CIMIP4: variants seen among roughly 807,000 people sequenced by gnomAD.
CIMIP4 encodes protein EAN57.
the CIMIP4 span, among the ~76,000 whole-genome samples, chr22:36,996,367 C>T: frequency 6.6e-6 from 1 of 151,444 alleles, no homozygotes; most frequent in Non-Finnish European, 1.5e-5. Context: ...ACAAAAATTG[C>T]ATTTGTGTAT....
the CIMIP4 span, chr22:37,002,284 C>T: frequency 1.4e-6 from 2 of 1,432,456 alleles, no homozygotes; most frequent in Non-Finnish European, 1.8e-6. Context: ...TCAGATGGGC[C>T]CTGGTGAAAG....
At chr22:37,001,826 T>C in the CIMIP4 span, 1 of 1,553,126 alleles carries the variant, frequency 6.4e-7, no homozygotes, top group Non-Finnish European at 8.7e-7. Flanking sequence ...TCCTGGCCCC[T>C]GCTATGACAC....
chr22:36,996,284 G>T, the CIMIP4 span, among the ~76,000 whole-genome samples: 1 of 151,870 alleles, frequency 6.6e-6, no homozygotes, highest in African/African-American at 2.4e-5. Flanking sequence ...CACTCCTAAA[G>T]AATCAATAAC....
the CIMIP4 span, among the ~76,000 whole-genome samples, chr22:36,992,473 G>T: frequency 6.6e-6 from 1 of 152,054 alleles, no homozygotes. Context: ...GAAGCAAACG[G>T]AATTTCAGAA....
chr22:36,993,728 C>CAAA, the CIMIP4 span, among the ~76,000 whole-genome samples: 2 of 138,160 alleles, frequency 1.4e-5, no homozygotes, highest in Admixed American at 7.4e-5. Context: ...GACTCCATCT[C>CAAA]AAAAAAAAAG....
the CIMIP4 span, among the ~76,000 whole-genome samples, chr22:36,992,466 G>T: frequency 6.6e-6 from 1 of 152,108 alleles, no homozygotes; most frequent in Non-Finnish European, 1.5e-5. Flanking sequence ...AGTAAGAGAA[G>T]CAAACGGAAT....
At chr22:36,992,620 T>C in the CIMIP4 span, among the ~76,000 whole-genome samples, 1 of 152,172 alleles carries the variant, frequency 6.6e-6, no homozygotes, top group African/African-American at 2.4e-5. Context: ...TTAATCATTG[T>C]TGAGGCTGAG....
chr22:36,994,628 AG>A, the CIMIP4 span, among the ~76,000 whole-genome samples: 2 of 115,506 alleles, frequency 1.7e-5, no homozygotes, highest in Non-Finnish European at 3.5e-5. Context: ...CCGCCTCCTG[AG>A]ATTTTTTTTT....
At chr22:37,006,305 C>A in the CIMIP4 span, among the ~76,000 whole-genome samples, 2 of 152,168 alleles carry the variant, frequency 1.3e-5, no homozygotes, top group Non-Finnish European at 2.9e-5. Flanking sequence ...GAAGGCAGAG[C>A]TGAGAGCCAT....
chr22:36,992,669 C>G, the CIMIP4 span, among the ~76,000 whole-genome samples: 1 of 152,084 alleles, frequency 6.6e-6, no homozygotes, highest in East Asian at 1.9e-4. Flanking sequence ...AAGTTCTCTT[C>G]TTTTCCATAA....
At chr22:37,001,386 G>C in the CIMIP4 span, among the ~76,000 whole-genome samples, 99,199 of 151,758 alleles carry the variant, frequency 0.65, 33,226 homozygotes, top group African/African-American at 0.8. Flanking sequence ...GGATTCAAAC[G>C]CACGTCTTCT....
chr22:37,006,712 C>T, the CIMIP4 span, among the ~76,000 whole-genome samples: 2 of 152,052 alleles, frequency 1.3e-5, no homozygotes, highest in Non-Finnish European at 2.9e-5. Context: ...TTATTGGGGG[C>T]CAGAGGGCAG....
At chr22:37,000,937 C>T in the CIMIP4 span, among the ~76,000 whole-genome samples, 6 of 152,110 alleles carry the variant, frequency 3.9e-5, no homozygotes, top group Non-Finnish European at 7.4e-5. Context: ...AGAAGCCTGA[C>T]CCCCAGCTTT....
At chr22:37,002,169 G>T in the CIMIP4 span, 6 of 1,507,592 alleles carry the variant, frequency 4.0e-6, no homozygotes, top group South Asian at 2.6e-5. Flanking sequence ...GCTCCCAGGG[G>T]CAGGGGCTGT....
the CIMIP4 span, among the ~76,000 whole-genome samples, chr22:36,997,495 C>T: frequency 1.3e-5 from 2 of 152,334 alleles, no homozygotes; most frequent in South Asian, 2.1e-4. Flanking sequence ...CATCAGGCCA[C>T]CTTCACCATT....
chr22:36,999,242 A>G, the CIMIP4 span, among the ~76,000 whole-genome samples: 1 of 149,702 alleles, frequency 6.7e-6, no homozygotes, highest in Non-Finnish European at 1.5e-5. Context: ...GAATCACTTG[A>G]GCCCAGGAGT....
At chr22:36,994,714 T>C in the CIMIP4 span, among the ~76,000 whole-genome samples, 3 of 148,302 alleles carry the variant, frequency 2.0e-5, no homozygotes, top group East Asian at 6.0e-4. Context: ...CACTGCAAGC[T>C]CCGCTTCCCG....
At chr22:36,991,440 G>T in the CIMIP4 span, 1 of 1,598,518 alleles carries the variant, frequency 6.3e-7, no homozygotes. Context: ...TGCTGGTGGA[G>T]GACAGTCCCT....
the CIMIP4 span, among the ~76,000 whole-genome samples, chr22:37,005,918 G>C: frequency 6.6e-5 from 10 of 152,176 alleles, no homozygotes; most frequent in African/African-American, 9.7e-5. Context: ...GCTTCAGAAG[G>C]CTGTCTGGAA....
Sources: gnomAD v4.1 joint callset for allele counts (sites outside exome capture counted in the v4.1 genomes callset) on GRCh38, gnomAD v4.1.1 for gene constraint, MANE v1.5 for transcripts, NCBI Gene and HGNC (gene_info 2026-07-23, HGNC 2026-07-21) for gene names.